RHBDL2: variants seen among roughly 807,000 people sequenced by gnomAD.
RHBDL2 encodes rhomboid like 2, also known as rhomboid-related protein 2.
Under a neutral mutation model 31.7 loss-of-function variants are expected in RHBDL2, and 26 were observed. That is an observed-to-expected ratio of 0.82 (90% CI 0.60 to 1.14). The LOEUF is 1.14. RHBDL2 is among the 50% of genes most tolerant of loss of function. RHBDL2 has a pLI of 0.00. For missense variants in RHBDL2, 336 were observed against 364.4 expected (o/e 0.92, Z 0.63); for synonymous variants, 123 against 127.2 (o/e 0.97, Z 0.22).
intron 4 of RHBDL2, among the ~76,000 whole-genome samples, chr1:38,900,095 A>G (rs1642970624): frequency 6.6e-6 from 1 of 152,214 alleles, no homozygotes; most frequent in South Asian, 2.1e-4. Flanking sequence ...ACTGCTTTCA[A>G]GTAACATAAC....
intron 7 of RHBDL2, among the ~76,000 whole-genome samples, chr1:38,887,719 G>A (rs1642803146): frequency 6.6e-6 from 1 of 152,016 alleles, no homozygotes; most frequent in Admixed American, 6.6e-5. Context: ...CACCACGCCT[G>A]GCCATTCTCT....
intron 1 of RHBDL2, among the ~76,000 whole-genome samples, chr1:38,923,742 TTATTG>T (rs1199990113): frequency 6.6e-6 from 1 of 152,226 alleles, no homozygotes; most frequent in East Asian, 1.9e-4. Context: ...GAGCACTCAC[TTATTG>T]GGTGTCATTC....
intron 1 of RHBDL2, chr1:38,929,464 G>A: frequency 7.8e-7 from 1 of 1,289,472 alleles, no homozygotes; most frequent in South Asian, 1.2e-5. Flanking sequence ...CCTTTTCCAT[G>A]GCAGACACTT....
intron 1 of RHBDL2, chr1:38,929,586 G>T (rs1643417659): frequency 1.2e-5 from 15 of 1,282,944 alleles, no homozygotes; most frequent in Non-Finnish European, 1.5e-5. Flanking sequence ...TACCAGGCAG[G>T]CCCCTGCCGG....
In RHBDL2 at chr1:38,896,009, A is replaced by C. The variant is rs111906633; in HGVS notation, c.569T>G (p.Val190Gly). The C allele has an allele frequency of 5.6e-4, 897 of 1,613,868 alleles. 4 individuals carry two copies. The highest frequency in any genetic ancestry group is 5.1e-4 in the Non-Finnish European group (596 of 1,179,880). The part of the protein sequence containing the change: ...LRYLVGASGG[V>G]YALMGGYFMN... The stretch of plus-strand genomic sequence containing the variant: ...AAAATAGCCTCCCATCAGAGCATAG[A>C]CTCCTCCTGAAGCTCCCACAAGATA... Residue 190 changes from valine to glycine, a missense_variant, in exon 5 of 8, where the codon GTC becomes GGC. Transcript: ENST00000372990.
chr1:38,911,823 T>C (rs1463401304), intron 3 of RHBDL2, among the ~76,000 whole-genome samples: 1 of 151,840 alleles, frequency 6.6e-6, no homozygotes, highest in African/African-American at 2.4e-5. Flanking sequence ...TTTCTTTTTT[T>C]TTGGACGAAG....
At chr1:38,915,831 C>A in intron 2 of RHBDL2, 121 bp from the exon 3 acceptor site, 1 of 825,128 alleles carries the variant, frequency 1.2e-6, no homozygotes, top group Non-Finnish European at 2.0e-6. Flanking sequence ...ACCATAGTGC[C>A]AGAAGGTGAC....
intron 5 of RHBDL2, 24 bp from the exon 6 acceptor site, chr1:38,893,248 T>C (rs1197418981): frequency 1.7e-6 from 2 of 1,156,624 alleles, no homozygotes; most frequent in Non-Finnish European, 2.6e-6. Flanking sequence ...AAATAATAAT[T>C]ATATAAGCTA....
At chr1:38,916,713 A>AC (rs1051107123) in intron 2 of RHBDL2, among the ~76,000 whole-genome samples, 3 of 150,732 alleles carry the variant, frequency 2.0e-5, no homozygotes, top group South Asian at 2.1e-4. Context: ...AAACAAACAA[A>AC]AAAAAAAACT....
intron 4 of RHBDL2, among the ~76,000 whole-genome samples, chr1:38,907,991 AGCTAAGG>A (rs1197403817): frequency 6.6e-6 from 1 of 152,134 alleles, no homozygotes; most frequent in East Asian, 1.9e-4. Flanking sequence ...CTACATATTC[AGCTAAGG>A]GCTAGCATCT....
chr1:38,901,593 T>C (rs752831305), intron 4 of RHBDL2, among the ~76,000 whole-genome samples: 6 of 151,784 alleles, frequency 4.0e-5, no homozygotes, highest in Non-Finnish European at 5.9e-5. Context: ...CCCAGCACTT[T>C]GGGAGGCCGA....
intron 1 of RHBDL2, among the ~76,000 whole-genome samples, chr1:38,922,747 G>T (rs1643330337): frequency 6.7e-6 from 1 of 150,316 alleles, no homozygotes; most frequent in Admixed American, 6.7e-5. Flanking sequence ...TTTATCTTCT[G>T]CCCCACTCCT....
At chr1:38,900,315 G>A (rs1252798206) in intron 4 of RHBDL2, among the ~76,000 whole-genome samples, 3 of 152,028 alleles carry the variant, frequency 2.0e-5, no homozygotes, top group Non-Finnish European at 4.4e-5. Flanking sequence ...AGCTACTCGG[G>A]AGGCTGAGAC....
chr1:38,904,608 A>G (rs1291397006), intron 4 of RHBDL2, among the ~76,000 whole-genome samples: 1 of 151,606 alleles, frequency 6.6e-6, no homozygotes, highest in Admixed American at 6.6e-5. Context: ...GCAGACGATC[A>G]CTTGAGCTCA....
At chr1:38,926,225 G>A in intron 1 of RHBDL2, 1 of 1,102,948 alleles carries the variant, frequency 9.1e-7, no homozygotes. Flanking sequence ...AGTGGTTGCA[G>A]CAGTGGCAGC....
In RHBDL2 at chr1:38,893,218, G is replaced by A; in HGVS notation, c.616C>T (p.Gln206Ter). 6.6e-7 allele frequency: 1 copy of A among 1,517,452 alleles called. No homozygotes were observed. Among genetic ancestry groups the A allele is most frequent in the Non-Finnish European group, 9.1e-7 (1 of 1,094,160 alleles). 94.0% of individuals were successfully genotyped at this position (1,517,452 alleles called of 1,614,324 possible). A position where few individuals can be genotyped will look rare whatever the true frequency, so the allele number is the denominator to read the frequency against. ...GYFMNVLVNFQEMIPAFGIFR... is the reference protein window; with the variant it reads ...GYFMNVLVNF ...ATTCCAAAGGCAGGAATCATTTCTT[G>A]AAAATTCTTAAAAAGAGATAAATAA... Residue 206 changes from glutamine to a stop codon, truncating the protein, a stop_gained, in exon 6 of 8, where the codon CAA (glutamine) becomes TAA (stop). Transcript: ENST00000372990. LOFTEE classifies it high-confidence loss of function.
chr1:38,912,329 C>A (rs1222615083), intron 3 of RHBDL2, among the ~76,000 whole-genome samples: 1 of 151,770 alleles, frequency 6.6e-6, no homozygotes, highest in Non-Finnish European at 1.5e-5. Context: ...TGGTCTCGAA[C>A]TCCTGACCTC....
At chr1:38,911,576 C>A (rs1643142017) in intron 3 of RHBDL2, 142 bp from the exon 4 acceptor site, 2 of 628,772 alleles carry the variant, frequency 3.2e-6, no homozygotes, top group African/African-American at 1.9e-5. Context: ...TCTTCGCAGA[C>A]AACTCTTTTT....
chr1:38,923,140 G>C (rs1643335409), intron 1 of RHBDL2, among the ~76,000 whole-genome samples: 1 of 152,006 alleles, frequency 6.6e-6, no homozygotes, highest in Non-Finnish European at 1.5e-5. Context: ...TATGAGGTGT[G>C]TGGCAATGGG....
Sources: gnomAD v4.1 joint callset for allele counts (sites outside exome capture counted in the v4.1 genomes callset) on GRCh38, gnomAD v4.1.1 for gene constraint, MANE v1.5 for transcripts, NCBI Gene and HGNC (gene_info 2026-07-23, HGNC 2026-07-21) for gene names.